Variants in SLC7A2 observed in about 807,000 individuals in gnomAD.
SLC7A2 encodes the protein cationic amino acid transporter 2.
A neutral mutation model predicts 58.9 loss-of-function variants in SLC7A2; 48 were observed. The observed-to-expected ratio is 0.82, with a 90% CI of 0.65 to 1.04. SLC7A2 has a LOEUF of 1.04. Ranked by LOEUF, SLC7A2 falls within the 50% of genes least tolerant of loss-of-function variation. The pLI is 0.00. For missense variants in SLC7A2, 1,029 were observed against 818.8 expected, an observed-to-expected ratio of 1.26 and a Z score of -3.13; for synonymous variants, 363 against 314.5, an observed-to-expected ratio of 1.15 and a Z score of -1.63.
chr8:17,514,286 C>G (rs1351859275), intron 2 of SLC7A2, among the ~76,000 whole-genome samples: 1 of 151,910 alleles, frequency 6.6e-6, no homozygotes, highest in Non-Finnish European at 1.5e-5. Flanking sequence ...CAGTGTGTCC[C>G]AAAACACGCA....
In SLC7A2 at chr8:17,501,946, A is replaced by G. The variant is rs551721714; in HGVS notation, c.-68-311A>G. 2.6e-5 allele frequency among the ~76,000 whole-genome samples: 4 copies of G among 151,966 alleles called. No individual in the cohort carries two copies. The East Asian group carries it at 7.7e-4, about 29-fold the overall frequency. ...TTGGAATATTTGGTGAACAATACAC[A>G]ACAAAGAATTTGTATGTCCCTTGTT... On this transcript the variant is annotated intron_variant, in intron 1 of 12. Transcript: ENST00000494857.
chr8:17,535,954 G>C (rs17689138), intron 2 of SLC7A2, among the ~76,000 whole-genome samples: 50,942 of 151,760 alleles, frequency 0.34, 8,674 homozygotes, highest in East Asian at 0.41. Flanking sequence ...CACTAACATT[G>C]AAGTCTTAAG....
At chr8:17,513,134 C>G (rs1434664577) in intron 2 of SLC7A2, among the ~76,000 whole-genome samples, 2 of 152,184 alleles carry the variant, frequency 1.3e-5, no homozygotes, top group Non-Finnish European at 2.9e-5. Context: ...GCAAATATCT[C>G]TTCAAGACCC....
intron 2 of SLC7A2, among the ~76,000 whole-genome samples, chr8:17,515,065 G>A (rs903330086): frequency 1.3e-5 from 2 of 152,144 alleles, no homozygotes; most frequent in African/African-American, 2.4e-5. Flanking sequence ...CCAGGAAAAG[G>A]GGAGGGACTT....
At chr8:17,501,228 G>A (rs957859211) in intron 1 of SLC7A2, among the ~76,000 whole-genome samples, 1 of 152,042 alleles carries the variant, frequency 6.6e-6, no homozygotes, top group African/African-American at 2.4e-5. Context: ...TGCCCAGGTT[G>A]GTCTCGAAAT....
chr8:17,561,311 T>C lies in SLC7A2; in HGVS notation c.1505-633T>C, dbSNP rs527482815. ...GGTTAGGGAGGCCTCACAGTCATGG[T>C]GGAAGGCGAAAGGCACATCTTAACA... On this transcript the variant is annotated intron_variant, in intron 10 of 12. Coordinates refer to ENST00000494857, the MANE Select transcript of SLC7A2 (RefSeq NM_001370338.1). Among the ~76,000 whole-genome samples the C allele has an allele frequency of 6.6e-5, 10 of 152,200 alleles. No homozygotes were observed. The South Asian group carries it at 2.1e-3, about 32-fold the overall frequency.
At chr8:17,530,685 G>A (rs1409682824) in intron 2 of SLC7A2, among the ~76,000 whole-genome samples, 4 of 151,352 alleles carry the variant, frequency 2.6e-5, no homozygotes, top group African/African-American at 4.9e-5. Flanking sequence ...CGTTTCTCCT[G>A]CCTCAGCCTC....
intron 5 of SLC7A2, among the ~76,000 whole-genome samples, chr8:17,549,854 C>G (rs1047472980): frequency 6.6e-6 from 1 of 152,102 alleles, no homozygotes; most frequent in African/African-American, 2.4e-5. Context: ...AGTTTTGTTT[C>G]GTGTTTTTAA....
intron 2 of SLC7A2, among the ~76,000 whole-genome samples, chr8:17,521,158 C>T (rs907807661): frequency 4.6e-5 from 7 of 152,036 alleles, no homozygotes; most frequent in African/African-American, 1.7e-4. Context: ...AGGATACTTG[C>T]TTTCTAAAAA....
intron 7 of SLC7A2, among the ~76,000 whole-genome samples, chr8:17,553,905 A>G (rs377512699): frequency 2.6e-5 from 4 of 152,230 alleles, no homozygotes; most frequent in Admixed American, 2.0e-4. Flanking sequence ...ACTTCCGAAC[A>G]TCTCAAGCAA....
chr8:17,556,792 A>G (rs1027142422), intron 8 of SLC7A2, among the ~76,000 whole-genome samples: 2 of 152,014 alleles, frequency 1.3e-5, no homozygotes, highest in African/African-American at 4.8e-5. Context: ...TATTTTTAGT[A>G]GAGATGGGGT....
At chr8:17,562,762 A>C (rs1585274696) in intron 11 of SLC7A2, among the ~76,000 whole-genome samples, 1 of 152,238 alleles carries the variant, frequency 6.6e-6, no homozygotes, top group Non-Finnish European at 1.5e-5. Context: ...CATGTTAAAG[A>C]AGCTATAATA....
intron 2 of SLC7A2, among the ~76,000 whole-genome samples, chr8:17,542,987 A>G (rs1466299290): frequency 2.0e-5 from 3 of 152,158 alleles, no homozygotes; most frequent in African/African-American, 7.2e-5. Context: ...ACACAAAATT[A>G]TAATATGCAA....
upstream of SLC7A2, among the ~76,000 whole-genome samples, chr8:17,494,406 T>C (rs1799911942): frequency 6.6e-6 from 1 of 152,158 alleles, no homozygotes. Flanking sequence ...TGAAAATGAC[T>C]AAGTTGGATT....
In SLC7A2 at chr8:17,544,481, G is replaced by A. The variant is rs778581713; in HGVS notation, c.407G>A (p.Gly136Asp). 1.2e-6 allele frequency: 2 copies of A among 1,613,808 alleles called. No individual in the cohort carries two copies. The highest frequency in any genetic ancestry group is 1.7e-5 in the Admixed American group (1 of 59,980). The change falls in exon 4 of 13, where the codon GGC (glycine) becomes GAC (aspartate). Residue 136 changes from glycine (G) to aspartate (D), a missense_variant. Physicochemically the swap from Gly to Asp is moderately conservative, Grantham distance 94. Coordinates refer to ENST00000494857, the MANE Select transcript of SLC7A2 (RefSeq NM_001370338.1). ...GTSSVARAWS[G>D]TFDELLSKQI... ...TCAAGTGTTGCAAGAGCCTGGAGTG[G>A]CACCTTTGATGAACTTCTTAGCAAA... is the stretch of plus-strand genomic sequence containing the variant.
chr8:17,564,925 ATTTT>A, intron 12 of SLC7A2, 21 bp from the exon 13 acceptor site: 1 of 1,194,824 alleles, frequency 8.4e-7, no homozygotes, highest in Non-Finnish European at 1.1e-6. Context: ...TGAAACATTG[ATTTT>A]TTTTTTTCCT....
At chr8:17,564,638 G>A (rs1803176904) in intron 12 of SLC7A2, among the ~76,000 whole-genome samples, 1 of 152,134 alleles carries the variant, frequency 6.6e-6, no homozygotes, top group African/African-American at 2.4e-5. Context: ...TCCCTCACGT[G>A]TGCAGTCCCT....
chr8:17,507,232 A>G (rs1214782625), intron 2 of SLC7A2, among the ~76,000 whole-genome samples: 1 of 152,194 alleles, frequency 6.6e-6, no homozygotes, highest in African/African-American at 2.4e-5. Context: ...GGCGTGAGCC[A>G]CTGTGTCTGG....
Position 17,565,052 on chromosome 8 carries a change from C to T in SLC7A2, c.1883C>T (p.Ala628Val). 1 of 1,613,826 alleles carries T rather than the reference C, an allele frequency of 6.2e-7. No individual in the cohort carries two copies. ...EDAYPDNVHA[A>V]AEEKSAIQAN... ...GCTTATCCAGACAACGTTCATGCAG[C>T]AGCAGAAGAAAAATCTGCCATTCAA... is the stretch of plus-strand genomic sequence containing the variant. The change falls in exon 13 of 13, where the codon GCA (alanine) becomes GTA (valine). Residue 628 changes from alanine (A) to valine (V), a missense_variant. Ala to Val is a moderately conservative substitution (Grantham distance 64). Coordinates refer to ENST00000494857, the MANE Select transcript of SLC7A2 (RefSeq NM_001370338.1).
Sources: allele counts gnomAD v4.1 joint callset (sites outside exome capture counted in the v4.1 genomes callset), GRCh38; gene constraint gnomAD v4.1.1; transcripts MANE v1.5; gene names NCBI Gene and HGNC (gene_info 2026-07-23, HGNC 2026-07-21).